Variants in GRIK1 observed in about 807,000 individuals in gnomAD.
GRIK1 encodes glutamate receptor ionotropic, kainate 1.
A neutral mutation model predicts 105.7 loss-of-function variants in GRIK1; 69 were observed. The observed-to-expected ratio is 0.65, with a 90% CI of 0.54 to 0.80. GRIK1 has a LOEUF of 0.80. GRIK1 is among the 30% of genes least tolerant of loss of function. The pLI is 0.00. For missense variants in GRIK1, 1,109 were observed against 1,167.3 expected (o/e 0.95, Z 0.73); for synonymous variants, 438 against 431.3 (o/e 1.02, Z -0.19).
chr21:29,738,318 T>C (rs1004090136), intron 1 of GRIK1, among the ~76,000 whole-genome samples: 2 of 152,252 alleles, frequency 1.3e-5, no homozygotes, highest in African/African-American at 4.8e-5. Flanking sequence ...AAAGCCATCT[T>C]TAATAATTAC....
At chr21:29,917,416 A>G (rs73188512) in intron 1 of GRIK1, among the ~76,000 whole-genome samples, 3,483 of 152,128 alleles carry the variant, frequency 0.023, 47 homozygotes, top group Non-Finnish European at 0.029. Flanking sequence ...CAATCTCTGC[A>G]TCACTGACAT....
chr21:29,854,229 G>T (rs554823690), intron 1 of GRIK1, among the ~76,000 whole-genome samples: 18 of 152,154 alleles, frequency 1.2e-4, no homozygotes, highest in Non-Finnish European at 2.4e-4. Flanking sequence ...GTGGGGCTGC[G>T]CTGTTTTAAA....
chr21:29,641,786 A>T (rs1321887926), intron 7 of GRIK1, among the ~76,000 whole-genome samples: 1 of 152,138 alleles, frequency 6.6e-6, no homozygotes, highest in African/African-American at 2.4e-5. Flanking sequence ...CGCCTGCTTT[A>T]TCCTCACCCT....
At chr21:29,686,381 C>T (rs1414720041) in intron 3 of GRIK1, among the ~76,000 whole-genome samples, 2 of 151,892 alleles carry the variant, frequency 1.3e-5, no homozygotes, top group Non-Finnish European at 2.9e-5. Flanking sequence ...AGGACTGACA[C>T]GTATTGATGA....
In GRIK1 at chr21:29,847,900, T is replaced by TC. The variant is rs1164282964; in HGVS notation, c.118+91482_118+91483insG. Reference sequence around the variant, plus strand: ...GGTTGCAACACTATTGTTTCTCTCTTTCTCTCTCTCTCTCCCTCTCTCTCT... The same window carrying TC: ...GGTTGCAACACTATTGTTTCTCTCTTCTCTCTCTCTCTCTCCCTCTCTCTCT... On this transcript the variant is annotated intron_variant, in intron 1 of 17. Coordinates refer to ENST00000327783, the MANE Select transcript of GRIK1 (RefSeq NM_001330994.2). Among the ~76,000 whole-genome samples the TC allele has an allele frequency of 5.1e-3, 775 of 150,502 alleles. 7 individuals carry two copies. The highest frequency in any genetic ancestry group is 0.016 in the African/African-American group (662 of 40,990).
intron 1 of GRIK1, among the ~76,000 whole-genome samples, chr21:29,728,622 T>G (rs1254719379): frequency 6.6e-6 from 1 of 152,152 alleles, no homozygotes; most frequent in Non-Finnish European, 1.5e-5. Flanking sequence ...GAGAATGCAG[T>G]GTGTCAATTA....
Position 29,879,743 on chromosome 21 carries a change from G to T in GRIK1, c.118+59640C>A, listed in dbSNP as rs1297207556. ...AAAACGGTAGCTCTTTAAGGAGCTA[G>T]TTTATTAAAAAGAAAGAGGATAATA... On this transcript the variant is annotated intron_variant, in intron 1 of 17. Transcript: ENST00000327783. Among the ~76,000 whole-genome samples, 3 of 152,080 alleles carry T rather than the reference G, an allele frequency of 2.0e-5. No individual in the cohort carries two copies. In the East Asian group the frequency reaches 5.8e-4, roughly 29 times the overall value.
At chr21:29,759,219 G>C (rs973579465) in intron 1 of GRIK1, among the ~76,000 whole-genome samples, 2 of 150,800 alleles carry the variant, frequency 1.3e-5, no homozygotes, top group Non-Finnish European at 2.9e-5. Context: ...CCAGGTTCAC[G>C]CCATTCTCCT....
chr21:29,629,336 G>A (rs1296467114), intron 7 of GRIK1, among the ~76,000 whole-genome samples: 5 of 151,860 alleles, frequency 3.3e-5, no homozygotes, highest in Non-Finnish European at 5.9e-5. Flanking sequence ...ATTCTTAGCA[G>A]AGGAAAAAAG....
chr21:29,586,854 CT>C (rs2091140557), intron 12 of GRIK1, among the ~76,000 whole-genome samples: 1 of 152,142 alleles, frequency 6.6e-6, no homozygotes, highest in Non-Finnish European at 1.5e-5. Context: ...TTCTCTTTAA[CT>C]TTCTCATGCC....
chr21:29,596,396 A>T (rs2061413419), intron 9 of GRIK1, 130 bp downstream of exon 9: 1 of 778,720 alleles, frequency 1.3e-6, no homozygotes, highest in African/African-American at 1.7e-5. Flanking sequence ...CTCTCTCTTT[A>T]CATGGAACTT....
At chr21:29,579,997 GTATATATATGTA>G (rs1242082219) in intron 13 of GRIK1, among the ~76,000 whole-genome samples, 3 of 143,590 alleles carry the variant, frequency 2.1e-5, no homozygotes, top group African/African-American at 7.8e-5. Context: ...GTATATATAT[GTATATATATGTA>G]TATATATGTG....
chr21:29,564,602 A>C (rs1162797147), intron 14 of GRIK1, among the ~76,000 whole-genome samples: 1 of 152,164 alleles, frequency 6.6e-6, no homozygotes, highest in Non-Finnish European at 1.5e-5. Context: ...GAATTGAAGG[A>C]TATGGGAAAG....
In GRIK1 at chr21:29,726,379, A is replaced by G. The variant is rs2064461908; in HGVS notation, c.119-32316T>C. Among the ~76,000 whole-genome samples, 6 of 152,326 alleles carry G rather than the reference A, an allele frequency of 3.9e-5. No individual in the cohort carries two copies. The South Asian group carries it at 1.2e-3, about 32-fold the overall frequency. Reference sequence around the variant, plus strand: ...TGACTTTTATGCCTAATTATATATTAAACATGCACACACACACCCCTTCTA... The same window carrying G: ...TGACTTTTATGCCTAATTATATATTGAACATGCACACACACACCCCTTCTA... On this transcript the variant is annotated intron_variant, in intron 1 of 17. Transcript: ENST00000327783.
chr21:29,666,691 C>G (rs1007053482), intron 4 of GRIK1, among the ~76,000 whole-genome samples: 1 of 152,200 alleles, frequency 6.6e-6, no homozygotes, highest in Non-Finnish European at 1.5e-5. Context: ...ACATTTGATA[C>G]AATTCACATT....
At position 29,589,005 on chromosome 21, in the gene GRIK1, G is replaced by C. The variant is rs748804761; in HGVS notation, c.1403C>G (p.Pro468Arg). The C allele has an allele frequency of 1.9e-6, 3 of 1,602,516 alleles. No individual in the cohort carries two copies. Among genetic ancestry groups the C allele is most frequent in the Non-Finnish European group, 2.6e-6 (3 of 1,169,508 alleles). Residue 468 changes from proline (P) to arginine (R), a missense_variant, in exon 11 of 18, where the codon CCT becomes CGT. This residue lies in a region of GRIK1 where 612 missense variants were observed against 586.0 expected (regional missense o/e 1.04). Coordinates refer to ENST00000327783, the MANE Select transcript of GRIK1 (RefSeq NM_001330994.2). ...PYVMYRKSDK[P>R]LYGNDRFEGY... ...TTCAAATCTGTCATTTCCATATAGA[G>C]GCTTATCAGATTTCCTGTACATAAC...
At chr21:29,852,934 C>A (rs956183404) in intron 1 of GRIK1, among the ~76,000 whole-genome samples, 19 of 152,254 alleles carry the variant, frequency 1.2e-4, no homozygotes, top group Admixed American at 9.8e-4. Flanking sequence ...TAGATAAAAA[C>A]CTTTTGGTAA....
Position 29,860,549 on chromosome 21 carries a change from G to A in GRIK1, c.118+78834C>T, listed in dbSNP as rs115890046. Among the ~76,000 whole-genome samples the A allele has an allele frequency of 3.9e-3, 592 of 152,352 alleles. 3 individuals carry two copies. Among genetic ancestry groups the A allele is most frequent in the African/African-American group, 0.012 (514 of 41,582 alleles). Reference sequence around the variant, plus strand: ...AAATTATGTCCACAAATGGGTCAAAGATAACTATGTGCCACACCAGGAGGG... The same window carrying A: ...AAATTATGTCCACAAATGGGTCAAAAATAACTATGTGCCACACCAGGAGGG... On this transcript the variant is annotated intron_variant, in intron 1 of 17. Coordinates refer to ENST00000327783, the MANE Select transcript of GRIK1 (RefSeq NM_001330994.2).
In GRIK1 at chr21:29,767,523, A is replaced by AAAAG. The variant is rs2065698113; in HGVS notation, c.119-73464_119-73461dup. Among the ~76,000 whole-genome samples the AAAAG allele has an allele frequency of 3.3e-5, 5 of 152,188 alleles. 1 individual carries two copies. In the South Asian group the frequency reaches 1.0e-3, roughly 31 times the overall value. On this transcript the variant is annotated intron_variant, in intron 1 of 17. Transcript: ENST00000327783. Reference sequence around the variant, plus strand: ...TGCTCAGGAGAAAGATGGAAAAAAAAAAAGAACTGCAATATAAAAATATTC... The same window carrying AAAAG: ...TGCTCAGGAGAAAGATGGAAAAAAAAAAAGAAAGAACTGCAATATAAAAATATTC...
Sources: allele counts gnomAD v4.1 joint callset (sites outside exome capture counted in the v4.1 genomes callset), GRCh38; gene constraint gnomAD v4.1.1; regional missense constraint gnomAD v4.1.1; transcripts MANE v1.5; gene names NCBI Gene and HGNC (gene_info 2026-07-23, HGNC 2026-07-21).